Variants in GRAMD2B observed in about 807,000 individuals in gnomAD.
The protein encoded by GRAMD2B is GRAM domain-containing protein 2B.
In GRAMD2B, 41 loss-of-function variants were observed where a neutral mutation model predicts 59.2. The observed-to-expected ratio is 0.69, with a 90% CI of 0.54 to 0.90. GRAMD2B has a LOEUF of 0.90. Ranked by LOEUF, GRAMD2B falls within the 40% of genes least tolerant of loss-of-function variation. The probability of loss-of-function intolerance (pLI) is 0.00; values close to 1 mark genes in which losing one functional copy is unlikely to be tolerated. For synonymous variants in GRAMD2B, 161 were observed against 182.7 expected (o/e 0.88, Z 0.96); for missense variants, 424 against 500.5 (o/e 0.85, Z 1.46).
chr5:126,417,859 C>T (rs968271972), intron 1 of GRAMD2B, among the ~76,000 whole-genome samples: 11 of 152,076 alleles, frequency 7.2e-5, no homozygotes, highest in African/African-American at 2.4e-4. Flanking sequence ...AAAAGTACCC[C>T]CCTGCAAGTC....
intron 1 of GRAMD2B, among the ~76,000 whole-genome samples, chr5:126,378,108 T>C (rs944316240): frequency 6.6e-6 from 1 of 152,200 alleles, no homozygotes; most frequent in African/African-American, 2.4e-5. Flanking sequence ...GAAGTAATAC[T>C]AAAAACACCC....
intron 1 of GRAMD2B, chr5:126,462,355 C>G (rs760830424): frequency 3.6e-4 from 331 of 931,256 alleles, no homozygotes; most frequent in Non-Finnish European, 4.1e-4. Flanking sequence ...ATTCCATTTC[C>G]CCTCCCACGC....
intron 1 of GRAMD2B, chr5:126,459,117 T>C (rs1766881843): frequency 6.6e-6 from 1 of 152,220 alleles, no homozygotes; most frequent in Admixed American, 6.5e-5. Context: ...CCATTCTCCA[T>C]CCTGAACTGA....
intron 1 of GRAMD2B, among the ~76,000 whole-genome samples, chr5:126,379,700 ATCT>A (rs2149702401): frequency 6.6e-6 from 1 of 152,218 alleles, no homozygotes; most frequent in East Asian, 1.9e-4. Context: ...CCATTTATAT[ATCT>A]TCTTTTGAGA....
chr5:126,443,349 C>T (rs530241685), intron 1 of GRAMD2B, among the ~76,000 whole-genome samples: 2 of 152,300 alleles, frequency 1.3e-5, no homozygotes, highest in African/African-American at 4.8e-5. Context: ...ATGGCTCAGG[C>T]GCACCTGAAA....
At chr5:126,376,295 G>A (rs969816279) in intron 1 of GRAMD2B, among the ~76,000 whole-genome samples, 10 of 152,162 alleles carry the variant, frequency 6.6e-5, no homozygotes, top group East Asian at 1.9e-4. Context: ...TGTTAGGAGG[G>A]TGCTCAAAGT....
chr5:126,460,358 T>C (rs1156484393), intron 1 of GRAMD2B, among the ~76,000 whole-genome samples: 3 of 152,222 alleles, frequency 2.0e-5, no homozygotes, highest in African/African-American at 7.2e-5. Context: ...ATAGTGCCTA[T>C]TCAGAAATAA....
At chr5:126,421,017 A>T (rs933855088), upstream of GRAMD2B, among the ~76,000 whole-genome samples, 21 of 152,240 alleles carry the variant, frequency 1.4e-4, no homozygotes, top group Non-Finnish European at 2.9e-4. Context: ...CACTAATGTG[A>T]GGTACCTAAA....
At chr5:126,387,797 G>A (rs1756308501) in intron 1 of GRAMD2B, among the ~76,000 whole-genome samples, 1 of 152,060 alleles carries the variant, frequency 6.6e-6, no homozygotes. Flanking sequence ...AAATTTATAA[G>A]CTCCTTCTGG....
At chr5:126,465,996 G>A (rs1435263850) in intron 2 of GRAMD2B, among the ~76,000 whole-genome samples, 2 of 152,186 alleles carry the variant, frequency 1.3e-5, no homozygotes, top group South Asian at 4.1e-4. Flanking sequence ...TGGTTGTGGG[G>A]CCGGAGGGGA....
intron 1 of GRAMD2B, among the ~76,000 whole-genome samples, chr5:126,400,706 A>G (rs1358154201): frequency 1.3e-5 from 2 of 152,118 alleles, no homozygotes; most frequent in African/African-American, 4.8e-5. Flanking sequence ...TTTCTGAAGG[A>G]CAGCTTTATC....
rs146292262 is a variant in GRAMD2B, at chr5:126,392,826, G to A, written c.125+21259G>A. 1.1e-4 allele frequency among the ~76,000 whole-genome samples: 16 copies of A among 152,206 alleles called. No homozygotes were observed. The East Asian group carries it at 2.5e-3, about 24-fold the overall frequency. The stretch of plus-strand genomic sequence containing the variant: ...AAGGAGCACTGACCCTAGATCTCTC[G>A]CATGTGCAGTTCGCAATAGGGTTTG... On this transcript the variant is annotated intron_variant, in intron 1 of 8. Transcript: ENST00000506445.
At chr5:126,477,652 T>C (rs1325058115) in intron 5 of GRAMD2B, 40 bp from the exon 6 acceptor site, 1 of 1,073,512 alleles carries the variant, frequency 9.3e-7, no homozygotes, top group Non-Finnish European at 1.5e-6. Flanking sequence ...TGCTGTTCTG[T>C]CAAGTCTGAA....
upstream of GRAMD2B, among the ~76,000 whole-genome samples, chr5:126,422,639 G>C (rs185944608): frequency 2.4e-3 from 363 of 152,300 alleles, 1 homozygote; most frequent in Admixed American, 3.9e-3. Context: ...ACAATGCCTG[G>C]AACTTTGTAG....
At chr5:126,446,755 A>T (rs1764321944) in intron 1 of GRAMD2B, among the ~76,000 whole-genome samples, 1 of 152,092 alleles carries the variant, frequency 6.6e-6, no homozygotes, top group African/African-American at 2.4e-5. Context: ...AAGACACTGA[A>T]ATATGATAAA....
intron 2 of GRAMD2B, among the ~76,000 whole-genome samples, chr5:126,468,858 A>AT (rs969546213): frequency 7.9e-5 from 12 of 151,618 alleles, no homozygotes; most frequent in African/African-American, 2.7e-4. Flanking sequence ...TATAATATGT[A>AT]TTTTTTTTGG....
At chr5:126,368,760 A>T (rs1044250222), upstream of GRAMD2B, among the ~76,000 whole-genome samples, 1 of 152,196 alleles carries the variant, frequency 6.6e-6, no homozygotes, top group African/African-American at 2.4e-5. Flanking sequence ...ACAATTTCTT[A>T]TAATAAGGAT....
In GRAMD2B at chr5:126,372,485, A is replaced by C. The variant is rs191940315; in HGVS notation, c.125+918A>C. The stretch of plus-strand genomic sequence containing the variant: ...ATTATAGCTTTCAAAAATTTAATAG[A>C]AAACAAAGAAGTTCTATTTTATTTA... On this transcript the variant is annotated intron_variant, in intron 1 of 8. Transcript: ENST00000506445. 1.5e-4 allele frequency among the ~76,000 whole-genome samples: 23 copies of C among 152,290 alleles called. No individual in the cohort carries two copies. The East Asian group carries it at 3.7e-3, about 24-fold the overall frequency.
intron 8 of GRAMD2B, among the ~76,000 whole-genome samples, chr5:126,481,785 T>C (rs1388620960): frequency 6.6e-6 from 1 of 151,646 alleles, no homozygotes; most frequent in Non-Finnish European, 1.5e-5. Context: ...GGCCAACATA[T>C]TGAAACCCTG....
Sources: gnomAD v4.1 joint callset for allele counts (sites outside exome capture counted in the v4.1 genomes callset) on GRCh38, gnomAD v4.1.1 for gene constraint, MANE v1.5 for transcripts, NCBI Gene and HGNC (gene_info 2026-07-23, HGNC 2026-07-21) for gene names.